Variants in CCDC39 observed in about 807,000 individuals in gnomAD.
CCDC39 encodes the protein coiled-coil domain 39 molecular ruler complex subunit.
CCDC39 carries 113 observed loss-of-function variants against 121.0 expected under a neutral mutation model. The observed-to-expected ratio is 0.93, with a 90% CI of 0.80 to 1.09. The LOEUF (loss-of-function observed/expected upper bound fraction) is 1.09, where lower values mean the gene tolerates loss of function less well. Ranked by LOEUF, CCDC39 falls within the 50% of genes least tolerant of loss-of-function variation. The probability of loss-of-function intolerance (pLI) is 0.00; values close to 1 mark genes in which losing one functional copy is unlikely to be tolerated. For missense variants in CCDC39, 1,063 were observed against 1,074.7 expected (o/e 0.99, Z 0.15); for synonymous variants, 349 against 352.2 (o/e 0.99, Z 0.10).
In CCDC39 at chr3:180,659,746, T is replaced by C; in HGVS notation, c.540A>G (p.Arg180=). The change falls in exon 5 of 20, where the codon AGA becomes AGG. Residue 180 remains arginine (R), a synonymous_variant. Coordinates refer to ENST00000476379, the MANE Select transcript of CCDC39 (RefSeq NM_181426.2). ...KIRALTLQLE[R]LTLECNQKRK... is the part of the protein sequence containing the mutation. ...TTTTCTGATTACATTCCAAAGTTAG[T>C]CTTTCTAATTGCAGAGTCAGTGCCT... 6.2e-7 allele frequency: 1 copy of C among 1,611,384 alleles called. No homozygotes were observed. Among genetic ancestry groups the C allele is most frequent in the Non-Finnish European group, 8.5e-7 (1 of 1,178,570 alleles).
At chr3:180,615,809 A>T (rs1304469268) in intron 19 of CCDC39, among the ~76,000 whole-genome samples, 1 of 152,186 alleles carries the variant, frequency 6.6e-6, no homozygotes, top group Non-Finnish European at 1.5e-5. Context: ...GAAGAAAAAA[A>T]AAGGGGTTTC....
Position 180,614,779 on chromosome 3 carries a change from CTT to C in CCDC39, c.*140_*141del. The C allele has an allele frequency of 1.5e-6, 1 of 662,486 alleles. No homozygotes were observed. The highest frequency in any genetic ancestry group is 2.6e-5 in the South Asian group (1 of 39,176). 41.0% of individuals were successfully genotyped at this position (662,486 alleles called of 1,614,324 possible). A position where few individuals can be genotyped will look rare whatever the true frequency, so the allele number is the denominator to read the frequency against. On this transcript the variant is annotated 3_prime_UTR_variant, in exon 20 of 20. Coordinates refer to ENST00000476379, the MANE Select transcript of CCDC39 (RefSeq NM_181426.2). ...AACAGTAGAGAAAATGAGAACGTTC[CTT>C]TTTTTTTAAAACTATCAGTTTTTAC...
chr3:180,621,843 A>C (rs1003086296), intron 14 of CCDC39, among the ~76,000 whole-genome samples: 2 of 152,156 alleles, frequency 1.3e-5, no homozygotes, highest in Non-Finnish European at 2.9e-5. Flanking sequence ...CTTGTGATAT[A>C]ATTTGAAGTC....
Position 180,651,266 on chromosome 3 carries a change from C to T in CCDC39, c.1167+135G>A, listed in dbSNP as rs577139066. 65 of 666,856 alleles carry T rather than the reference C, an allele frequency of 9.7e-5. No individual in the cohort carries two copies. The South Asian group carries it at 1.4e-3, about 14-fold the overall frequency. The allele number at this position is 666,856 out of a possible 1,614,324, so 41.3% of individuals were successfully genotyped here. On this transcript the variant is annotated intron_variant, in intron 9 of 19. Transcript: ENST00000476379. ...GCAATGCATGAGAAGAGGTCCAAAA[C>T]CAGATTATAAATGTGATCATACCAA...
At chr3:180,647,042 GA>G in intron 11 of CCDC39, 36 bp downstream of exon 11, 1 of 1,582,644 alleles carries the variant, frequency 6.3e-7, no homozygotes, top group Non-Finnish European at 8.6e-7. Context: ...GAATGACTAG[GA>G]TATTTGAAAT....
Position 180,616,308 on chromosome 3 carries a change from G to A in CCDC39, c.2642C>T (p.Ser881Phe), listed in dbSNP as rs1015604911. 60 of 1,613,248 alleles carry A rather than the reference G, an allele frequency of 3.7e-5. No homozygotes were observed. Among genetic ancestry groups the A allele is most frequent in the Non-Finnish European group, 5.0e-5 (59 of 1,179,508 alleles). Reference sequence around the variant, plus strand: ...TGCTGATAGTGAAGTATGTGAAGGAGATCTAGAGCTCTGACGACTGCCTTT... The same window carrying A: ...TGCTGATAGTGAAGTATGTGAAGGAAATCTAGAGCTCTGACGACTGCCTTT... ...STKGSRQSSR[S>F]PSHTSLSARS... Residue 881 changes from serine (S) to phenylalanine (F), a missense_variant, in exon 19 of 20, where the codon TCT (serine) becomes TTT (phenylalanine). Coordinates refer to ENST00000476379, the MANE Select transcript of CCDC39 (RefSeq NM_181426.2).
chr3:180,664,123 C>T (rs1711812815), intron 1 of CCDC39, 137 bp from the exon 2 acceptor site: 1 of 723,428 alleles, frequency 1.4e-6, no homozygotes, highest in Non-Finnish European at 2.2e-6. Flanking sequence ...ATATCATAGA[C>T]TAGGTAGCTT....
chr3:180,620,533 T>TAG, intron 14 of CCDC39, among the ~76,000 whole-genome samples: 1 of 152,170 alleles, frequency 6.6e-6, no homozygotes, highest in Admixed American at 6.6e-5. Context: ...AGTGACTTTC[T>TAG]ACCAGGGTAA....
chr3:180,633,638 T>G (rs1203710453), intron 13 of CCDC39, among the ~76,000 whole-genome samples: 1 of 150,806 alleles, frequency 6.6e-6, no homozygotes, highest in East Asian at 1.9e-4. Flanking sequence ...AAAAGAAACC[T>G]GGAGGACAGA....
At chr3:180,638,301 A>C (rs552531911) in intron 13 of CCDC39, among the ~76,000 whole-genome samples, 13 of 152,312 alleles carry the variant, frequency 8.5e-5, no homozygotes, top group African/African-American at 2.4e-4. Flanking sequence ...AATCTAGCAG[A>C]ATATGAAACA....
In CCDC39 at chr3:180,631,506, C is replaced by G; in HGVS notation, c.1961G>C (p.Gly654Ala). The G allele has an allele frequency of 1.2e-6, 2 of 1,607,934 alleles. No homozygotes were observed. Among genetic ancestry groups the G allele is most frequent in the Non-Finnish European group, 1.7e-6 (2 of 1,178,972 alleles). The change falls in exon 14 of 20, where the codon GGA becomes GCA. Residue 654 changes from glycine to alanine, a missense_variant. Physicochemically the swap from Gly to Ala is moderately conservative, Grantham distance 60. Coordinates refer to ENST00000476379, the MANE Select transcript of CCDC39 (RefSeq NM_181426.2). ...ATAGGCCTGTGTTTTCTCCTCTTCT[C>G]CTTCAGGAGGCAGCATAACAACAGT... Reference protein sequence around the residue: ...ILTVVMLPPEGEEEKTQAYYV... With the variant: ...ILTVVMLPPEAEEEKTQAYYV...
chr3:180,664,073 A>T, intron 1 of CCDC39, 87 bp from the exon 2 acceptor site: 1 of 1,229,096 alleles, frequency 8.1e-7, no homozygotes, highest in Non-Finnish European at 1.1e-6. Context: ...TTAAATTTTC[A>T]TTTACATTGT....
At position 180,652,157 on chromosome 3, in the gene CCDC39, T is replaced by C; in HGVS notation, c.1034+6A>G. ...CATAAACATATTTAGATAGTTTTTT[T>C]CTTACCTTGCTGTTTCTTCATGAAT... is the stretch of plus-strand genomic sequence containing the variant. On this transcript the variant is annotated splice_donor_region_variant and intron_variant, in intron 8 of 19. Transcript: ENST00000476379. 1.4e-6 allele frequency: 2 copies of C among 1,419,708 alleles called. No individual in the cohort carries two copies. The highest frequency in any genetic ancestry group is 1.9e-6 in the Non-Finnish European group (2 of 1,047,212). 87.9% of individuals were successfully genotyped at this position (1,419,708 alleles called of 1,614,324 possible).
At chr3:180,653,310 G>A (rs1202355532) in intron 7 of CCDC39, among the ~76,000 whole-genome samples, 1 of 152,024 alleles carries the variant, frequency 6.6e-6, no homozygotes, top group African/African-American at 2.4e-5. Flanking sequence ...GATCAACCTT[G>A]GACTGACACT....
chr3:180,663,200 C>T (rs1711784524), intron 2 of CCDC39, among the ~76,000 whole-genome samples: 3 of 152,100 alleles, frequency 2.0e-5, no homozygotes, highest in Admixed American at 2.0e-4. Context: ...GTGTAGACTA[C>T]TGGCCTCCAC....
Position 180,652,131 on chromosome 3 carries a change from T to G in CCDC39, c.1034+32A>C, listed in dbSNP as rs746635611. The G allele has an allele frequency of 5.3e-6, 6 of 1,128,510 alleles. No homozygotes were observed. In the African/African-American group the frequency reaches 9.6e-5, roughly 18 times the overall value. 69.9% of individuals were successfully genotyped at this position (1,128,510 alleles called of 1,614,324 possible). A position where few individuals can be genotyped will look rare whatever the true frequency, so the allele number is the denominator to read the frequency against. ...ATTTTCTAGATATAGTAAAAAATAA[T>G]CATAAACATATTTAGATAGTTTTTT... On this transcript the variant is annotated intron_variant, in intron 8 of 19. Coordinates refer to ENST00000476379, the MANE Select transcript of CCDC39 (RefSeq NM_181426.2).
chr3:180,651,365 T>C, intron 9 of CCDC39, 36 bp downstream of exon 9: 1 of 1,516,314 alleles, frequency 6.6e-7, no homozygotes, highest in East Asian at 2.4e-5. Flanking sequence ...TGCTAAATTT[T>C]CTGTGATTTA....
Position 180,663,889 on chromosome 3 carries a change from T to A in CCDC39, c.188A>T (p.Lys63Met). 6.2e-7 allele frequency: 1 copy of A among 1,612,786 alleles called. No homozygotes were observed. The highest frequency in any genetic ancestry group is 1.1e-5 in the South Asian group (1 of 91,020). Residue 63 changes from lysine to methionine, a missense_variant, in exon 2 of 20, where the codon AAG becomes ATG. By Grantham distance (95) the Lys-to-Met change is moderately conservative. Transcript: ENST00000476379. ...TACCTGTGTAATTGAGAGCTCTTGC[T>A]TAACATTTTTGAAGTGAGAAGTCAT... ...NSMTSHFKNV[K>M]QELSITQSLC...
At chr3:180,668,483 G>A (rs1199800854) in intron 1 of CCDC39, among the ~76,000 whole-genome samples, 2 of 152,090 alleles carry the variant, frequency 1.3e-5, no homozygotes, top group African/African-American at 4.8e-5. Flanking sequence ...ATGGCTAGTT[G>A]TATATTATTA....
Sources: gnomAD v4.1 joint callset for allele counts (sites outside exome capture counted in the v4.1 genomes callset) on GRCh38, gnomAD v4.1.1 for gene constraint, MANE v1.5 for transcripts, NCBI Gene and HGNC (gene_info 2026-07-23, HGNC 2026-07-21) for gene names.